Variants in AKT3 observed in about 807,000 individuals in gnomAD.
AKT3 encodes the protein AKT serine/threonine kinase 3.
In AKT3, 15 loss-of-function variants were observed where a neutral mutation model predicts 65.3. That is an observed-to-expected ratio of 0.23 (90% CI 0.15 to 0.35). The LOEUF is 0.35. Among genes scored for constraint, AKT3 ranks in the 10% least tolerant of loss-of-function variants. The pLI, the probability that AKT3 is intolerant of heterozygous loss-of-function variation, is 1.00. For synonymous variants in AKT3, 206 were observed against 183.8 expected (o/e 1.12, Z -0.98); for missense variants, 243 against 576.5 (o/e 0.42, Z 5.92).
Position 243,843,210 on chromosome 1 carries a change from C to A in AKT3, c.-40G>T, listed in dbSNP as rs1332401369. 1 of 1,608,086 alleles carries A rather than the reference C, an allele frequency of 6.2e-7. No homozygotes were observed. The highest frequency in any genetic ancestry group is 8.5e-7 in the Non-Finnish European group (1 of 1,176,734). ...GAGCCCCCAACTTGGAGAAATGGTA[C>A]TTTGTGATATCAGCTTTAGGGTTTG... On this transcript the variant is annotated 5_prime_UTR_variant, in exon 2 of 14. Transcript: ENST00000673466.
intron 2 of AKT3, among the ~76,000 whole-genome samples, chr1:243,712,715 C>T (rs1686240248): frequency 6.6e-6 from 1 of 151,944 alleles, no homozygotes; most frequent in South Asian, 2.1e-4. Context: ...AAAATTTTTA[C>T]CTAAGGTCAC....
intron 8 of AKT3, among the ~76,000 whole-genome samples, chr1:243,602,792 A>G (rs1677110468): frequency 6.6e-6 from 1 of 152,228 alleles, no homozygotes; most frequent in East Asian, 1.9e-4. Flanking sequence ...CTTCATTACA[A>G]CCTACATAAA....
chr1:243,522,258 C>T (rs1467155987), intron 12 of AKT3, among the ~76,000 whole-genome samples: 3 of 152,162 alleles, frequency 2.0e-5, no homozygotes, highest in African/African-American at 7.2e-5. Context: ...CACTATTTCT[C>T]TTAGAAATAT....
At chr1:243,626,544 G>T (rs74153926) in intron 6 of AKT3, among the ~76,000 whole-genome samples, 2,278 of 152,234 alleles carry the variant, frequency 0.015, 50 homozygotes, top group African/African-American at 0.052. Flanking sequence ...AATTAATCAG[G>T]ATGAGGACTG....
intron 11 of AKT3, among the ~76,000 whole-genome samples, chr1:243,550,380 C>T (rs954136082): frequency 1.1e-4 from 17 of 152,236 alleles, no homozygotes; most frequent in Admixed American, 2.0e-4. Flanking sequence ...TTAATACATA[C>T]TAGGCGGTTA....
chr1:243,582,219 A>T (rs1156565557), intron 8 of AKT3, among the ~76,000 whole-genome samples: 1 of 152,086 alleles, frequency 6.6e-6, no homozygotes, highest in Non-Finnish European at 1.5e-5. Flanking sequence ...AGGGAGACAG[A>T]TATCCAGATA....
At chr1:243,554,928 G>T (rs752360397) in intron 10 of AKT3, among the ~76,000 whole-genome samples, 23 of 151,818 alleles carry the variant, frequency 1.5e-4, no homozygotes, top group African/African-American at 5.6e-4. Flanking sequence ...AGCCAGAAGG[G>T]AAAGTGAGTA....
At chr1:243,553,642 C>G (rs1673219739) in intron 10 of AKT3, among the ~76,000 whole-genome samples, 2 of 152,106 alleles carry the variant, frequency 1.3e-5, no homozygotes, top group Non-Finnish European at 2.9e-5. Flanking sequence ...GACTTAATAT[C>G]TGTGTGGTAT....
intron 3 of AKT3, chr1:243,687,738 A>T (rs1684423385): frequency 1.3e-5 from 2 of 152,258 alleles, no homozygotes; most frequent in African/African-American, 2.4e-5. Flanking sequence ...GAAGAAGGAA[A>T]TATGTGACAT....
intron 2 of AKT3, among the ~76,000 whole-genome samples, chr1:243,820,831 GA>G (rs910598188): frequency 6.6e-6 from 1 of 152,128 alleles, no homozygotes; most frequent in African/African-American, 2.4e-5. Context: ...AAGAGATGGG[GA>G]AAATGGAACC....
intron 8 of AKT3, among the ~76,000 whole-genome samples, chr1:243,602,091 T>C (rs1677049927): frequency 6.6e-6 from 1 of 152,206 alleles, no homozygotes; most frequent in African/African-American, 2.4e-5. Flanking sequence ...AGATTTTAGA[T>C]TTGTAAGCAA....
chr1:243,586,636 A>C (rs1241432799), intron 8 of AKT3, among the ~76,000 whole-genome samples: 1 of 152,208 alleles, frequency 6.6e-6, no homozygotes, highest in Non-Finnish European at 1.5e-5. Flanking sequence ...CAGAAAACCA[A>C]ATACTGCTTG....
rs144326868 is a variant in AKT3 at position 243,668,332 on chromosome 1, G to A, written c.173-3449C>T. Among the ~76,000 whole-genome samples the A allele has an allele frequency of 3.3e-5, 5 of 152,258 alleles. No individual in the cohort carries two copies. In the East Asian group the frequency reaches 7.7e-4, roughly 23 times the overall value. Reference sequence around the variant, plus strand: ...AGTAAAGGGGTAGCTCTAATCAGGAGTATAAATAGTTTAGTAATAAAATAA... The same window carrying A: ...AGTAAAGGGGTAGCTCTAATCAGGAATATAAATAGTTTAGTAATAAAATAA... On this transcript the variant is annotated intron_variant, in intron 3 of 13. Transcript: ENST00000673466.
At chr1:243,595,923 A>G (rs1372180163) in intron 8 of AKT3, among the ~76,000 whole-genome samples, 4 of 152,236 alleles carry the variant, frequency 2.6e-5, no homozygotes, top group Non-Finnish European at 5.9e-5. Flanking sequence ...ATGTACTATC[A>G]CAATCAAGTA....
At chr1:243,578,278 T>C (rs949958639) in intron 8 of AKT3, among the ~76,000 whole-genome samples, 59 of 152,130 alleles carry the variant, frequency 3.9e-4, no homozygotes, top group African/African-American at 1.4e-3. Context: ...AGTCATGGAA[T>C]CAACCCAAGT....
chr1:243,726,167 A>AT (rs1296213375), intron 2 of AKT3, among the ~76,000 whole-genome samples: 1 of 152,316 alleles, frequency 6.6e-6, no homozygotes, highest in Admixed American at 6.5e-5. Flanking sequence ...AGTTTGATAA[A>AT]TTTAGAATTC....
At chr1:243,696,417 C>T (rs565720911) in intron 2 of AKT3, among the ~76,000 whole-genome samples, 2 of 151,926 alleles carry the variant, frequency 1.3e-5, no homozygotes, top group South Asian at 4.1e-4. Context: ...TAAGGTACCA[C>T]CTAGCCACCA....
At chr1:243,496,669 C>A (rs1667992163), downstream of AKT3, among the ~76,000 whole-genome samples, 2 of 152,228 alleles carry the variant, frequency 1.3e-5, no homozygotes, top group African/African-American at 2.4e-5. Context: ...TCTCCCCGGG[C>A]TGCCACTTCT....
rs1016857367 is a variant in AKT3 at position 243,500,680 on chromosome 1, C to T, written c.*4569G>A. 3.9e-5 allele frequency: 9 copies of T among 229,432 alleles called. No homozygotes were observed. Among genetic ancestry groups the T allele is most frequent in the East Asian group, 1.9e-4 (3 of 16,140 alleles). The allele number at this position is 229,432 out of a possible 1,614,324, so 14.2% of individuals were successfully genotyped here. ...ACCTTCGGCTGCCCTGCCTGGCCAG[C>T]GAGCCATCATCCTCATCACCATCTC... On this transcript the variant is annotated 3_prime_UTR_variant, in exon 14 of 14. Coordinates refer to ENST00000673466, the MANE Select transcript of AKT3 (RefSeq NM_005465.7).
Sources: allele counts gnomAD v4.1 joint callset (sites outside exome capture counted in the v4.1 genomes callset), GRCh38; gene constraint gnomAD v4.1.1; transcripts MANE v1.5; gene names NCBI Gene and HGNC (gene_info 2026-07-23, HGNC 2026-07-21).